Variants in SNX29 observed in about 807,000 individuals in gnomAD.
SNX29 encodes sorting nexin 29.
In SNX29, 78 loss-of-function variants were observed where a neutral mutation model predicts 102.1. The ratio of observed to expected loss-of-function variants is 0.76; its 90% CI spans 0.64 to 0.92. The LOEUF is 0.92. Ranked by LOEUF, SNX29 falls within the 40% of genes least tolerant of loss-of-function variation. The pLI, the probability that SNX29 is intolerant of heterozygous loss-of-function variation, is 0.00. For missense variants in SNX29, 1,280 were observed against 1,061.7 expected, an observed-to-expected ratio of 1.21 and a Z score of -2.86; for synonymous variants, 580 against 414.5, an observed-to-expected ratio of 1.40 and a Z score of -4.85.
intron 1 of SNX29, among the ~76,000 whole-genome samples, chr16:11,979,650 C>G (rs9931973): frequency 2.0e-5 from 3 of 152,172 alleles, no homozygotes; most frequent in Non-Finnish European, 4.4e-5. Flanking sequence ...GTGGCAGGAT[C>G]TTAGCTTACT....
chr16:12,556,378 G>T (rs1413371688), intron 20 of SNX29: 1 of 152,194 alleles, frequency 6.6e-6, no homozygotes, highest in Non-Finnish European at 1.5e-5. Context: ...AGTCGTAATT[G>T]TAGGCACTGG....
At chr16:12,373,776 C>G (rs1011791311) in intron 16 of SNX29, 1 of 152,216 alleles carries the variant, frequency 6.6e-6, no homozygotes, top group Non-Finnish European at 1.5e-5. Flanking sequence ...GTGAATTTGG[C>G]TGAAATGAAG....
intron 20 of SNX29, chr16:12,546,574 G>C (rs1377151175): frequency 1.3e-5 from 2 of 152,176 alleles, no homozygotes; most frequent in African/African-American, 4.8e-5. Context: ...ACATGGTTTG[G>C]CTGTGTCCCC....
At chr16:12,526,238 C>T (rs1019059580) in intron 20 of SNX29, among the ~76,000 whole-genome samples, 2 of 152,128 alleles carry the variant, frequency 1.3e-5, no homozygotes, top group Non-Finnish European at 2.9e-5. Flanking sequence ...GGGTTCAAAA[C>T]AGAGGGTGCA....
At chr16:12,498,657 C>G (rs560709155) in intron 19 of SNX29, among the ~76,000 whole-genome samples, 5 of 152,184 alleles carry the variant, frequency 3.3e-5, no homozygotes, top group Non-Finnish European at 7.4e-5. Context: ...ATAATGCACA[C>G]ATAAGCAAAC....
At chr16:12,453,234 A>C (rs944435190) in intron 18 of SNX29, among the ~76,000 whole-genome samples, 3 of 152,212 alleles carry the variant, frequency 2.0e-5, no homozygotes, top group Non-Finnish European at 4.4e-5. Context: ...AGACGTGGCC[A>C]ATCAATCACA....
chr16:12,494,966 A>T (rs951050730), intron 19 of SNX29, among the ~76,000 whole-genome samples: 3 of 152,190 alleles, frequency 2.0e-5, no homozygotes, highest in East Asian at 1.9e-4. Context: ...CTGCCTGCGC[A>T]TTCTCATTTA....
intron 18 of SNX29, among the ~76,000 whole-genome samples, chr16:12,417,284 G>A (rs2084675054): frequency 6.6e-6 from 1 of 152,236 alleles, no homozygotes; most frequent in African/African-American, 2.4e-5. Flanking sequence ...TGGGCTTCCT[G>A]TGTTCAGCAT....
At chr16:12,336,849 T>TA (rs1339138884) in intron 15 of SNX29, among the ~76,000 whole-genome samples, 3 of 152,052 alleles carry the variant, frequency 2.0e-5, no homozygotes, top group Non-Finnish European at 2.9e-5. Flanking sequence ...AGAAGGCTAA[T>TA]ATGGGAGGAT....
At chr16:12,100,546 G>C (rs1213360308) in intron 11 of SNX29, among the ~76,000 whole-genome samples, 1 of 152,180 alleles carries the variant, frequency 6.6e-6, no homozygotes, top group Non-Finnish European at 1.5e-5. Context: ...GCTGTGTCCA[G>C]ATCGGGCTGT....
At position 12,234,225 on chromosome 16, in the gene SNX29, T is replaced by A. The variant is rs761877688; in HGVS notation, c.1678+34542T>A. On this transcript the variant is annotated intron_variant, in intron 14 of 20. Coordinates refer to ENST00000566228, the MANE Select transcript of SNX29 (RefSeq NM_032167.5). ...CACTTGTTATTGTCTGTCTTTTTTT[T>A]ATTGTAGCCATCGAGTGGATGTGAA... Among the ~76,000 whole-genome samples the A allele has an allele frequency of 2.3e-4, 35 of 152,194 alleles. 1 individual carries two copies. The highest frequency in any genetic ancestry group is 3.9e-4 in the Admixed American group (6 of 15,282).
intron 20 of SNX29, among the ~76,000 whole-genome samples, chr16:12,540,686 T>C (rs1487478262): frequency 6.6e-6 from 1 of 152,170 alleles, no homozygotes; most frequent in Admixed American, 6.5e-5. Context: ...GTCCCTCTTG[T>C]TGTAGAAGCT....
chr16:12,137,933 A>T (rs1170928564), intron 13 of SNX29, among the ~76,000 whole-genome samples: 1 of 152,200 alleles, frequency 6.6e-6, no homozygotes, highest in Non-Finnish European at 1.5e-5. Flanking sequence ...GGGAAAAGCC[A>T]GTAGGCTTCA....
chr16:12,074,205 T>C (rs1350381911), intron 10 of SNX29, among the ~76,000 whole-genome samples: 1 of 152,036 alleles, frequency 6.6e-6, no homozygotes, highest in Non-Finnish European at 1.5e-5. Flanking sequence ...AATTTGATCC[T>C]GTCATTATGA....
Position 12,058,797 on chromosome 16 carries a change from GTTTTTTTTTTT to G in SNX29, c.1125-2714_1125-2704del, listed in dbSNP as rs34150245. Among the ~76,000 whole-genome samples the G allele has an allele frequency of 1.7e-4, 19 of 113,762 alleles. No individual in the cohort carries two copies. In the South Asian group the frequency reaches 3.6e-3, roughly 22 times the overall value. The allele number at this position is 113,762 out of a possible 152,430, so 74.6% of individuals were successfully genotyped here. On this transcript the variant is annotated intron_variant, in intron 8 of 20. Coordinates refer to ENST00000566228, the MANE Select transcript of SNX29 (RefSeq NM_032167.5). Reference sequence around the variant, plus strand: ...GTGTGAGCCACAGCACCCGGCCTGGGTTTTTTTTTTTTTTTTTTTTTTTTTTTCTCTGTGGC... The same window carrying G: ...GTGTGAGCCACAGCACCCGGCCTGGGTTTTTTTTTTTTTTTTCTCTGTGGC...
At chr16:12,001,878 G>C (rs1184626357) in intron 2 of SNX29, among the ~76,000 whole-genome samples, 1 of 151,970 alleles carries the variant, frequency 6.6e-6, no homozygotes, top group African/African-American at 2.4e-5. Context: ...ATATCAGTTG[G>C]ACCTGGTGGC....
chr16:12,086,009 CTT>C (rs34239419), intron 11 of SNX29, among the ~76,000 whole-genome samples: 1,573 of 117,322 alleles, frequency 0.013, 11 homozygotes, highest in African/African-American at 0.047. Context: ...CTTGCCAATT[CTT>C]TTTTTTTTTT....
chr16:12,222,113 A>G (rs1404614191), intron 14 of SNX29, among the ~76,000 whole-genome samples: 1 of 152,262 alleles, frequency 6.6e-6, no homozygotes, highest in African/African-American at 2.4e-5. Flanking sequence ...ACATAAGCCT[A>G]CATAGGTAGG....
intron 20 of SNX29, among the ~76,000 whole-genome samples, chr16:12,549,537 C>G (rs186946754): frequency 6.6e-6 from 1 of 152,186 alleles, no homozygotes. Flanking sequence ...TCTCAAATAG[C>G]CAGTAAGGCA....
Sources: gnomAD v4.1 joint callset for allele counts (sites outside exome capture counted in the v4.1 genomes callset) on GRCh38, gnomAD v4.1.1 for gene constraint, MANE v1.5 for transcripts, NCBI Gene and HGNC (gene_info 2026-07-23, HGNC 2026-07-21) for gene names.